RBFOX1: variants seen among roughly 807,000 people sequenced by gnomAD.
The protein encoded by RBFOX1 is RNA binding fox-1 homolog 1.
RBFOX1 carries 8 observed loss-of-function variants against 57.7 expected under a neutral mutation model. The observed-to-expected ratio is 0.14, with a 90% CI of 0.08 to 0.25. The LOEUF is 0.25. RBFOX1 is among the 10% of genes least tolerant of loss of function. RBFOX1 has a pLI of 1.00. For missense variants in RBFOX1, 611 were observed against 548.5 expected, an observed-to-expected ratio of 1.11 and a Z score of -1.14; for synonymous variants, 326 against 222.4, an observed-to-expected ratio of 1.47 and a Z score of -4.15.
Position 6,190,649 on chromosome 16 carries a change from G to A in RBFOX1, c.-126-126346G>A, listed in dbSNP as rs2097135756. On this transcript the variant is annotated intron_variant, in intron 1 of 15. Coordinates refer to ENST00000550418, the MANE Select transcript of RBFOX1 (RefSeq NM_018723.4). ...TATTTGCCTAACATTTTGCTTTTGG[G>A]GAACACACAGCCACCAATTTCCCCT... Among the ~76,000 whole-genome samples the A allele has an allele frequency of 2.0e-5, 3 of 151,992 alleles. No individual in the cohort carries two copies. The South Asian group carries it at 6.2e-4, about 32-fold the overall frequency.
chr16:6,131,676 T>G (rs1009970926), intron 1 of RBFOX1, among the ~76,000 whole-genome samples: 15 of 152,238 alleles, frequency 9.9e-5, no homozygotes, highest in Non-Finnish European at 2.2e-4. Flanking sequence ...TAAAGGTATT[T>G]TACTGACTAA....
chr16:6,855,608 G>T (rs900993964), intron 3 of RBFOX1, among the ~76,000 whole-genome samples: 6 of 144,350 alleles, frequency 4.2e-5, no homozygotes, highest in South Asian at 2.2e-4. Context: ...AGCCTGGATC[G>T]CACCACTTCA....
intron 2 of RBFOX1, among the ~76,000 whole-genome samples, chr16:6,578,781 A>G (rs964333436): frequency 7.6e-4 from 115 of 152,250 alleles, no homozygotes; most frequent in African/African-American, 2.0e-3. Flanking sequence ...ATAAAAATGT[A>G]TTTATTAAAT....
chr16:6,075,543 A>G (rs12931744), intron 1 of RBFOX1, among the ~76,000 whole-genome samples: 61,315 of 152,146 alleles, frequency 0.4, 13,478 homozygotes, highest in Non-Finnish European at 0.51. Flanking sequence ...CTGAGATGTG[A>G]AAAGTCAATT....
chr16:6,112,914 A>G (rs78929377), intron 1 of RBFOX1, among the ~76,000 whole-genome samples: 2,326 of 152,288 alleles, frequency 0.015, 66 homozygotes, highest in African/African-American at 0.052. Flanking sequence ...GCTTTTAAGT[A>G]TCTCCTGTTT....
chr16:7,384,914 T>C (rs894975223), intron 4 of RBFOX1, among the ~76,000 whole-genome samples: 2 of 152,170 alleles, frequency 1.3e-5, no homozygotes, highest in African/African-American at 2.4e-5. Flanking sequence ...GCAAGTCAGA[T>C]AATTAAAACA....
chr16:6,769,151 G>A (rs1013067522), intron 3 of RBFOX1, among the ~76,000 whole-genome samples: 2 of 152,184 alleles, frequency 1.3e-5, no homozygotes, highest in Non-Finnish European at 2.9e-5. Flanking sequence ...ATGGAGGCAG[G>A]TCATTCCCAC....
rs940818642 is a variant in RBFOX1 at position 6,317,571 on chromosome 16, G to A, written c.-64+514G>A. Among the ~76,000 whole-genome samples, 4 of 152,006 alleles carry A rather than the reference G, an allele frequency of 2.6e-5. No homozygotes were observed. In the East Asian group the frequency reaches 7.7e-4, roughly 29 times the overall value. ...AAAAAAAAGAAATTTTTTACTTTAA[G>A]ATGCTGGGGTACATTATAGAAATTT... On this transcript the variant is annotated intron_variant, in intron 2 of 15. Transcript: ENST00000550418.
At chr16:5,313,468 C>G (rs551803689) in intron 1 of RBFOX1, among the ~76,000 whole-genome samples, 2 of 152,154 alleles carry the variant, frequency 1.3e-5, no homozygotes, top group African/African-American at 2.4e-5. Context: ...CTACATATGA[C>G]CTCCTTAATC....
rs1395570503 is a variant in RBFOX1 at position 6,988,758 on chromosome 16, GT to G, written c.-15-63293del. 2.1e-4 allele frequency among the ~76,000 whole-genome samples: 26 copies of G among 121,990 alleles called. 1 individual carries two copies. Among genetic ancestry groups the G allele is most frequent in the African/African-American group, 9.4e-4 (26 of 27,638 alleles). 80.0% of individuals were successfully genotyped at this position (121,990 alleles called of 152,430 possible). On this transcript the variant is annotated intron_variant, in intron 3 of 15. Coordinates refer to ENST00000550418, the MANE Select transcript of RBFOX1 (RefSeq NM_018723.4). The stretch of plus-strand genomic sequence containing the variant: ...TTTTTTTTTTGTTTGTTTGTTTTTT[GT>G]TTTTTGTTTTTTGTTTTTTGTTTTT...
intron 4 of RBFOX1, among the ~76,000 whole-genome samples, chr16:7,230,484 T>C (rs2093434311): frequency 6.6e-6 from 1 of 152,152 alleles, no homozygotes; most frequent in Non-Finnish European, 1.5e-5. Context: ...GGGTTTCACA[T>C]TCAGGAAAGG....
chr16:7,232,727 G>C (rs1299802946), intron 4 of RBFOX1, among the ~76,000 whole-genome samples: 3 of 151,920 alleles, frequency 2.0e-5, no homozygotes, highest in African/African-American at 7.3e-5. Context: ...TGTAGTCCCA[G>C]CTACTGAGAA....
chr16:6,630,364 C>T (rs761414046), intron 2 of RBFOX1, among the ~76,000 whole-genome samples: 1 of 152,122 alleles, frequency 6.6e-6, no homozygotes, highest in Non-Finnish European at 1.5e-5. Flanking sequence ...TCCATTTCTG[C>T]AGCAGATTGT....
chr16:6,131,783 T>A (rs2096631433), intron 1 of RBFOX1, among the ~76,000 whole-genome samples: 2 of 152,208 alleles, frequency 1.3e-5, no homozygotes, highest in Non-Finnish European at 2.9e-5. Context: ...AGTTATGTAA[T>A]CATCCTTCAT....
chr16:5,654,137 G>A (rs760054617), intron 3 of RBFOX1, among the ~76,000 whole-genome samples: 1 of 152,198 alleles, frequency 6.6e-6, no homozygotes, highest in Non-Finnish European at 1.5e-5. Context: ...TGCACCTGCT[G>A]TGTCAGTCTG....
chr16:5,660,467 T>G (rs1183525692), intron 3 of RBFOX1, among the ~76,000 whole-genome samples: 1 of 152,188 alleles, frequency 6.6e-6, no homozygotes, highest in Non-Finnish European at 1.5e-5. Context: ...GATTTCGTTA[T>G]CAATGCAATG....
At chr16:6,688,905 G>C (rs1463400755) in intron 3 of RBFOX1, among the ~76,000 whole-genome samples, 1 of 152,136 alleles carries the variant, frequency 6.6e-6, no homozygotes. Flanking sequence ...TTCTGTTCCT[G>C]TGTCAGTTTC....
rs181824475 is a variant in RBFOX1, at chr16:6,541,565, G to A, written c.-63-113038G>A. Among the ~76,000 whole-genome samples, 26 of 152,252 alleles carry A rather than the reference G, an allele frequency of 1.7e-4. No individual in the cohort carries two copies. The East Asian group carries it at 4.1e-3, about 24-fold the overall frequency. On this transcript the variant is annotated intron_variant, in intron 2 of 15. Transcript: ENST00000550418. ...AGTGAATGGAATATTTTTTCTAAGC[G>A]CAATGGAAAGTCACTGTAGAGTTTT...
At chr16:7,442,777 C>T (rs143260519) in intron 4 of RBFOX1, among the ~76,000 whole-genome samples, 18 of 152,232 alleles carry the variant, frequency 1.2e-4, no homozygotes, top group Non-Finnish European at 1.8e-4. Context: ...TGGCCTCAGA[C>T]GTCGATCGTC....
Sources: gnomAD v4.1 joint callset for allele counts (sites outside exome capture counted in the v4.1 genomes callset) on GRCh38, gnomAD v4.1.1 for gene constraint, MANE v1.5 for transcripts, NCBI Gene and HGNC (gene_info 2026-07-23, HGNC 2026-07-21) for gene names.